The following ODAD2 variants were observed in gnomAD, a reference collection of about 807,000 sequenced individuals.
The protein encoded by ODAD2 is outer dynein arm-docking complex subunit 2.
Under a neutral mutation model 106.8 loss-of-function variants are expected in ODAD2, and 89 were observed. The observed-to-expected ratio is 0.83, with a 90% confidence interval of 0.70 to 0.99. The LOEUF is 0.99. ODAD2 is among the 50% of genes least tolerant of loss of function. The pLI, the probability that ODAD2 is intolerant of heterozygous loss-of-function variation, is 0.00. For synonymous variants in ODAD2, 404 were observed against 436.2 expected (o/e 0.93, Z 0.92); for missense variants, 1,168 against 1,238.5 (o/e 0.94, Z 0.85).
At chr10:27,822,674 C>T (rs550913926) in intron 19 of ODAD2, among the ~76,000 whole-genome samples, 5 of 152,276 alleles carry the variant, frequency 3.3e-5, no homozygotes, top group Admixed American at 6.5e-5. Flanking sequence ...TCACCAAAGC[C>T]GGGGGCCTCA....
intron 11 of ODAD2, 64 bp downstream of exon 11, chr10:27,944,752 G>A (rs1846751446): frequency 6.3e-7 from 1 of 1,599,864 alleles, no homozygotes; most frequent in Non-Finnish European, 8.5e-7. Context: ...GAAACCTAGA[G>A]CTAAGAAGAG....
At chr10:27,848,020 C>T (rs1838917772) in intron 19 of ODAD2, among the ~76,000 whole-genome samples, 1 of 152,124 alleles carries the variant, frequency 6.6e-6, no homozygotes. Context: ...AGATTCAATG[C>T]CATTCCCATC....
At chr10:27,878,404 A>G (rs1331634663) in intron 17 of ODAD2, among the ~76,000 whole-genome samples, 1 of 152,200 alleles carries the variant, frequency 6.6e-6, no homozygotes. Context: ...GCGTAAAGCA[A>G]TTAAATTAAT....
chr10:27,852,300 A>T (rs2133234672), intron 19 of ODAD2, among the ~76,000 whole-genome samples: 1 of 152,324 alleles, frequency 6.6e-6, no homozygotes, highest in East Asian at 1.9e-4. Flanking sequence ...GTGTATTTAA[A>T]TCTCTGGGAA....
chr10:27,962,996 A>G (rs1186301213), intron 9 of ODAD2, among the ~76,000 whole-genome samples: 1 of 149,480 alleles, frequency 6.7e-6, no homozygotes, highest in Non-Finnish European at 1.5e-5. Flanking sequence ...AGTTTTGTCT[A>G]TTTTGCCCTG....
intron 10 of ODAD2, among the ~76,000 whole-genome samples, chr10:27,953,120 C>A (rs187573340): frequency 6.6e-6 from 1 of 152,088 alleles, no homozygotes; most frequent in East Asian, 1.9e-4. Flanking sequence ...TAAATATATC[C>A]ATCACCTGAA....
intron 19 of ODAD2, among the ~76,000 whole-genome samples, chr10:27,831,312 G>A (rs562769548): frequency 3.3e-5 from 5 of 152,020 alleles, no homozygotes; most frequent in East Asian, 1.9e-4. Context: ...CATCATCACC[G>A]AAAACGACAT....
At chr10:27,903,201 CAT>C (rs1487168252) in intron 17 of ODAD2, among the ~76,000 whole-genome samples, 15 of 152,212 alleles carry the variant, frequency 9.9e-5, no homozygotes, top group African/African-American at 4.8e-5. Context: ...ACAAAAACCA[CAT>C]GATTATCTCA....
chr10:27,998,402 G>T (rs181503170), intron 1 of ODAD2, among the ~76,000 whole-genome samples: 1 of 152,162 alleles, frequency 6.6e-6, no homozygotes, highest in East Asian at 1.9e-4. Flanking sequence ...GTAAGGGGAC[G>T]AGGAGGGAAG....
intron 17 of ODAD2, among the ~76,000 whole-genome samples, chr10:27,890,258 G>A (rs1842472772): frequency 6.6e-6 from 1 of 152,178 alleles, no homozygotes; most frequent in Admixed American, 6.6e-5. Context: ...CCAGTCAGGT[G>A]TCTGAGTCAA....
At chr10:27,870,515 C>A (rs890251308) in intron 17 of ODAD2, among the ~76,000 whole-genome samples, 2 of 152,124 alleles carry the variant, frequency 1.3e-5, no homozygotes, top group East Asian at 3.9e-4. Context: ...TCCCCCAACC[C>A]CATGACAGGC....
intron 10 of ODAD2, among the ~76,000 whole-genome samples, chr10:27,955,696 GGTGTGTGTGTGTGTGTGTGTGTGT>G (rs56731384): frequency 7.0e-6 from 1 of 142,926 alleles, no homozygotes; most frequent in Non-Finnish European, 1.5e-5. Context: ...AACCAATTAA[GGTGTGTGTGTGTGTGTGTGTGTGT>G]GTGTGTGTGT....
intron 16 of ODAD2, among the ~76,000 whole-genome samples, chr10:27,909,275 T>C (rs185624669): frequency 1.3e-5 from 2 of 152,342 alleles, no homozygotes; most frequent in Admixed American, 1.3e-4. Context: ...AAATAACTTG[T>C]CATTGCAGTG....
In ODAD2 at chr10:27,995,026, C is replaced by T; in HGVS notation, c.117G>A (p.Glu39=). 1 of 1,614,188 alleles carries T rather than the reference C, an allele frequency of 6.2e-7. No individual in the cohort carries two copies. The highest frequency in any genetic ancestry group is 8.5e-7 in the Non-Finnish European group (1 of 1,180,038). The change falls in exon 2 of 20, where the codon GAG becomes GAA. Residue 39 remains glutamate (E), a synonymous_variant. Transcript: ENST00000305242. ...AILKEIIVFV[E]SFIYKHPQEA... is the part of the protein sequence containing the mutation. ...CTTGAGGATGTTTATAGATAAAACT[C>T]TCCACAAACACAATAATTTCTTTCA... is the stretch of plus-strand genomic sequence containing the variant.
At chr10:27,969,528 T>C (rs1848696077) in intron 8 of ODAD2, among the ~76,000 whole-genome samples, 1 of 152,298 alleles carries the variant, frequency 6.6e-6, no homozygotes, top group Non-Finnish European at 1.5e-5. Flanking sequence ...AAGTTGCCCA[T>C]GCATTTTTCA....
chr10:27,824,992 C>T (rs1836925821), intron 19 of ODAD2, among the ~76,000 whole-genome samples: 2 of 152,158 alleles, frequency 1.3e-5, no homozygotes, highest in African/African-American at 4.8e-5. Context: ...ATAAAAATGA[C>T]ACCTCAAAAG....
chr10:27,869,508 G>A (rs1454625733), intron 17 of ODAD2, among the ~76,000 whole-genome samples: 1 of 150,452 alleles, frequency 6.6e-6, no homozygotes, highest in African/African-American at 2.4e-5. Context: ...CAAGCAAAAA[G>A]ACTAAGTCAC....
intron 13 of ODAD2, 151 bp from the exon 14 acceptor site, chr10:27,940,158 T>C (rs905546295): frequency 1.7e-6 from 1 of 584,396 alleles, no homozygotes; most frequent in Non-Finnish European, 3.0e-6. Flanking sequence ...GAGAATCAAC[T>C]GAATTAATAT....
intron 15 of ODAD2, among the ~76,000 whole-genome samples, chr10:27,936,240 A>G (rs529097496): frequency 2.0e-4 from 30 of 152,238 alleles, no homozygotes; most frequent in Non-Finnish European, 4.0e-4. Flanking sequence ...AAATGGTCAT[A>G]AAGGTTACAA....
Sources: gnomAD v4.1 joint callset for allele counts (sites outside exome capture counted in the v4.1 genomes callset) on GRCh38, gnomAD v4.1.1 for gene constraint, MANE v1.5 for transcripts, NCBI Gene and HGNC (gene_info 2026-07-23, HGNC 2026-07-21) for gene names.